KRABD3: variants seen among roughly 807,000 people sequenced by gnomAD.
The protein encoded by KRABD3 is KRAB domain-containing protein 3.
chr7:149,719,526 C>A, the KRABD3 span: 1 of 1,549,318 alleles, frequency 6.5e-7, no homozygotes, highest in Admixed American at 2.1e-5. The surrounding 1 kb of genome is among the most constrained non-coding windows in gnomAD (Gnocchi z 5.6). Context: ...AACCAACCCC[C>A]CCGGAGACTG....
chr7:149,717,106 G>A, the KRABD3 span, among the ~76,000 whole-genome samples: 1 of 152,168 alleles, frequency 6.6e-6, no homozygotes, highest in South Asian at 2.1e-4. Flanking sequence ...GTCAGCAGTG[G>A]TACCAGTGCA....
chr7:149,722,399 C>T, the KRABD3 span: 1 of 1,591,424 alleles, frequency 6.3e-7, no homozygotes, highest in Non-Finnish European at 8.5e-7. Context: ...CTAGAAAGGC[C>T]CTCTTGTCTT....
At chr7:149,725,565 C>A in the KRABD3 span, 1 of 1,391,058 alleles carries the variant, frequency 7.2e-7, no homozygotes, top group South Asian at 1.4e-5. Context: ...ACTGTCGGGT[C>A]ATTGTGTTCC....
the KRABD3 span, chr7:149,723,414 C>T: frequency 9.5e-3 from 3,407 of 358,042 alleles, 99 homozygotes; most frequent in African/African-American, 0.052. Context: ...TACTGTACAA[C>T]TCCATTTTCC....
the KRABD3 span, chr7:149,719,341 C>A: frequency 8.2e-6 from 4 of 486,804 alleles, no homozygotes; most frequent in African/African-American, 8.1e-5. The surrounding 1 kb of genome is among the most constrained non-coding windows in gnomAD (Gnocchi z 5.6). Context: ...TACTTACAGG[C>A]GTGAGGGTTA....
the KRABD3 span, chr7:149,723,779 T>C: frequency 6.2e-7 from 1 of 1,614,008 alleles, no homozygotes; most frequent in African/African-American, 1.3e-5. Flanking sequence ...CAGGGTCTGC[T>C]ACACTGTCTG....
chr7:149,722,759 A>G, the KRABD3 span: 1 of 1,583,880 alleles, frequency 6.3e-7, no homozygotes, highest in Admixed American at 1.8e-5. Flanking sequence ...GCACTGACCC[A>G]GGCCCACCTT....
At chr7:149,715,023 A>G in the KRABD3 span, 1 of 1,228,692 alleles carries the variant, frequency 8.1e-7, no homozygotes, top group Non-Finnish European at 1.0e-6. Context: ...CGCGCCGGAA[A>G]CCGAGGAGTG....
At chr7:149,733,780 T>C in the KRABD3 span, 4 of 1,599,528 alleles carry the variant, frequency 2.5e-6, no homozygotes, top group Admixed American at 3.4e-5. Flanking sequence ...CCAGCTGCCA[T>C]GCTGCGCCGC....
chr7:149,724,136 G>C, the KRABD3 span, among the ~76,000 whole-genome samples: 1 of 152,208 alleles, frequency 6.6e-6, no homozygotes, highest in Non-Finnish European at 1.5e-5. Flanking sequence ...AAGGAAAGTG[G>C]GGAGGGAGCG....
At chr7:149,721,310 C>T in the KRABD3 span, 2 of 1,505,108 alleles carry the variant, frequency 1.3e-6, no homozygotes, top group Non-Finnish European at 1.8e-6. Context: ...AAGGAAAGGA[C>T]CCAGAATGTG....
At chr7:149,729,781 C>T in the KRABD3 span, 1 of 985,382 alleles carries the variant, frequency 1.0e-6, no homozygotes, top group African/African-American at 1.7e-5. Flanking sequence ...AACTGAGCCC[C>T]ACCCTTGGGC....
the KRABD3 span, among the ~76,000 whole-genome samples, chr7:149,716,295 C>T: frequency 6.6e-6 from 1 of 152,180 alleles, no homozygotes; most frequent in Non-Finnish European, 1.5e-5. Flanking sequence ...GTTAGGAGGA[C>T]CAGTGTGCAG....
the KRABD3 span, chr7:149,729,142 G>A: frequency 3.8e-5 from 53 of 1,402,908 alleles, no homozygotes; most frequent in South Asian, 3.9e-4. Context: ...GTGGCAGCAC[G>A]AGGCCCCGTG....
chr7:149,730,240 GC>G, the KRABD3 span: 1 of 1,556,144 alleles, frequency 6.4e-7, no homozygotes, highest in Non-Finnish European at 8.7e-7. Context: ...TGCGTGGGAG[GC>G]CCCAGCCCCA....
the KRABD3 span, chr7:149,719,631 G>T: frequency 6.2e-7 from 1 of 1,609,282 alleles, no homozygotes. The surrounding 1 kb of genome is among the most constrained non-coding windows in gnomAD (Gnocchi z 5.6). Flanking sequence ...GAGTTCTACC[G>T]AGACGTGATG....
At chr7:149,726,112 C>T in the KRABD3 span, 11 of 1,514,804 alleles carry the variant, frequency 7.3e-6, no homozygotes, top group African/African-American at 1.4e-5. Context: ...GGACTCAAGG[C>T]CCCTTGCCCA....
the KRABD3 span, chr7:149,724,994 A>C: frequency 1.4e-6 from 1 of 721,056 alleles, no homozygotes; most frequent in African/African-American, 1.8e-5. Flanking sequence ...CTTCATCCAC[A>C]GCCTCCTCAG....
the KRABD3 span, chr7:149,715,085 C>T: frequency 1.6e-6 from 2 of 1,230,744 alleles, no homozygotes; most frequent in South Asian, 4.1e-5. Context: ...GGCGGACGCG[C>T]GGACCCCTCG....
Sources: gnomAD v4.1 joint callset for allele counts (sites outside exome capture counted in the v4.1 genomes callset) on GRCh38, gnomAD v4.1.1 for gene constraint, Gnocchi (gnomAD v3.1) non-coding constraint, MANE v1.5 for transcripts, NCBI Gene and HGNC (gene_info 2026-07-23, HGNC 2026-07-21) for gene names.